UNC80: variants seen among roughly 807,000 people sequenced by gnomAD.
The protein encoded by UNC80 is unc-80 subunit of NALCN channel complex, also known as protein unc-80 homolog.
In UNC80, 164 loss-of-function variants were observed where a neutral mutation model predicts 384.6. The ratio of observed to expected loss-of-function variants is 0.43; its 90% confidence interval spans 0.38 to 0.49. UNC80 has a LOEUF of 0.49. UNC80 is among the 20% of genes least tolerant of loss of function. UNC80 has a pLI of 0.00. For missense variants in UNC80, 3,330 were observed against 4,143.0 expected, an observed-to-expected ratio of 0.80 and a Z score of 5.39; for synonymous variants, 1,486 against 1,527.8, an observed-to-expected ratio of 0.97 and a Z score of 0.64.
At chr2:209,786,319 C>A in intron 5 of UNC80, 130 bp downstream of exon 5, 1 of 1,208,618 alleles carries the variant, frequency 8.3e-7, no homozygotes, top group South Asian at 1.8e-5. Flanking sequence ...ATTTAAGTGT[C>A]CTGATATAGG....
At chr2:209,921,864 A>G (rs992645519) in intron 34 of UNC80, among the ~76,000 whole-genome samples, 178 bp downstream of exon 34, 3 of 152,212 alleles carry the variant, frequency 2.0e-5, no homozygotes, top group African/African-American at 7.2e-5. Context: ...AGAGTTAGCC[A>G]TTTTCAGAGG....
Position 209,924,635 on chromosome 2 carries a change from C to T in UNC80, c.5663-2208C>T, listed in dbSNP as rs1283682893. Among the ~76,000 whole-genome samples the T allele has an allele frequency of 2.0e-5, 3 of 152,176 alleles. No homozygotes were observed. In the South Asian group the frequency reaches 6.2e-4, roughly 32 times the overall value. Reference sequence around the variant, plus strand: ...TACATATGTACAGCCATCTAGATAACCAGGAATATGTCAGTGATTTGCAAG... The same window carrying T: ...TACATATGTACAGCCATCTAGATAATCAGGAATATGTCAGTGATTTGCAAG... On this transcript the variant is annotated intron_variant, in intron 35 of 64. Coordinates refer to ENST00000673920, the MANE Select transcript of UNC80 (RefSeq NM_001371986.1).
At chr2:209,822,704 T>C (rs1257038320) in intron 13 of UNC80, among the ~76,000 whole-genome samples, 3 of 152,154 alleles carry the variant, frequency 2.0e-5, no homozygotes, top group African/African-American at 7.2e-5. Context: ...TTTTCCTTTT[T>C]TAGCTTTGAA....
At chr2:209,922,792 AGTTTTTGTTTTTGTTTTT>A (rs374515160) in intron 35 of UNC80, among the ~76,000 whole-genome samples, 141 of 151,858 alleles carry the variant, frequency 9.3e-4, no homozygotes, top group African/African-American at 3.3e-3. Context: ...GTGTGTCACT[AGTTTTTGTTTTTGTTTTT>A]GTTTTTGTTT....
chr2:209,796,843 G>A (rs990794759), intron 7 of UNC80, among the ~76,000 whole-genome samples: 3 of 152,098 alleles, frequency 2.0e-5, no homozygotes, highest in African/African-American at 7.2e-5. Context: ...TTTATCAACA[G>A]CGTGAAAACG....
Position 209,973,069 on chromosome 2 carries a change from C to A in UNC80, c.8386C>A (p.Pro2796Thr), listed in dbSNP as rs1333730709. The change falls in exon 56 of 65, where the codon CCA (proline) becomes ACA (threonine). Residue 2796 changes from proline to threonine, a missense_variant. By Grantham distance (38) the Pro-to-Thr change is conservative. Coordinates refer to ENST00000673920, the MANE Select transcript of UNC80 (RefSeq NM_001371986.1). Reference protein sequence around the residue: ...LTVGSGSKDSPWLEQPEVQLL... With the variant: ...LTVGSGSKDSTWLEQPEVQLL... Reference sequence around the variant, plus strand: ...TTCCAAATTCTGCCCCTCAGATAGCCCATGGCTGGAGCAGCCTGAGGTGCA... The same window carrying A: ...TTCCAAATTCTGCCCCTCAGATAGCACATGGCTGGAGCAGCCTGAGGTGCA... The A allele has an allele frequency of 1.9e-6, 3 of 1,551,476 alleles. No individual in the cohort carries two copies. Among genetic ancestry groups the A allele is most frequent in the Non-Finnish European group, 2.6e-6 (3 of 1,146,974 alleles).
At chr2:209,806,603 G>A (rs2078916080) in intron 7 of UNC80, among the ~76,000 whole-genome samples, 1 of 152,170 alleles carries the variant, frequency 6.6e-6, no homozygotes, top group African/African-American at 2.4e-5. Flanking sequence ...ATGTTCATGT[G>A]TCTTTATTGG....
chr2:209,833,276 C>CAAAAAATAAAAAAAAA (rs2081117652), intron 16 of UNC80, among the ~76,000 whole-genome samples: 1 of 97,376 alleles, frequency 1.0e-5, no homozygotes, highest in African/African-American at 3.6e-5. Context: ...TTTCCTAAGG[C>CAAAAAATAAAAAAAAA]AAAAAAAAAA....
rs1442046725 is a variant in UNC80, at chr2:209,772,034, G to A, written c.-39G>A. The stretch of plus-strand genomic sequence containing the variant: ...GGCGGCGGCGGCTAGCGAGGAGACA[G>A]AGCTGGGTCCTGCAGTAGGACTCCC... On this transcript the variant is annotated 5_prime_UTR_variant, in exon 1 of 65. Coordinates refer to ENST00000673920, the MANE Select transcript of UNC80 (RefSeq NM_001371986.1). The A allele has an allele frequency of 6.8e-7, 1 of 1,466,012 alleles. No individual in the cohort carries two copies. The highest frequency in any genetic ancestry group is 2.0e-5 in the Admixed American group (1 of 50,798). 90.8% of individuals were successfully genotyped at this position (1,466,012 alleles called of 1,614,324 possible).
chr2:209,876,291 C>T (rs945457961), intron 23 of UNC80, among the ~76,000 whole-genome samples: 1 of 152,112 alleles, frequency 6.6e-6, no homozygotes, highest in African/African-American at 2.4e-5. Flanking sequence ...TATAATCTAC[C>T]AAGGCACATT....
At chr2:209,915,937 C>A (rs1224822183) in intron 31 of UNC80, among the ~76,000 whole-genome samples, 1 of 152,186 alleles carries the variant, frequency 6.6e-6, no homozygotes, top group Non-Finnish European at 1.5e-5. Flanking sequence ...ATTTTAAGTA[C>A]TCTGACTTGA....
In UNC80 at chr2:209,793,759, A is replaced by G. The variant is rs780420761; in HGVS notation, c.838A>G (p.Ile280Val). Residue 280 changes from isoleucine (I) to valine (V), a missense_variant, in exon 7 of 65, where the codon ATC becomes GTC. Ile to Val is a conservative substitution (Grantham distance 29). Around this residue, in one of 8 missense-constraint regions of UNC80, gnomAD observed 937 missense variants for 1,026.8 expected, o/e 0.91. Coordinates refer to ENST00000673920, the MANE Select transcript of UNC80 (RefSeq NM_001371986.1). ...VVCETFQSDS[I>V]SPKATISGCH... Reference sequence around the variant, plus strand: ...TTGTGAAACATTCCAGTCTGATTCCATCTCACCCAAGGCCACCATTTCAGG... The same window carrying G: ...TTGTGAAACATTCCAGTCTGATTCCGTCTCACCCAAGGCCACCATTTCAGG... 3 of 1,614,132 alleles carry G rather than the reference A, an allele frequency of 1.9e-6. 1 individual carries two copies. Among genetic ancestry groups the G allele is most frequent in the Middle Eastern group, 1.6e-4 (1 of 6,062 alleles).
intron 28 of UNC80, among the ~76,000 whole-genome samples, chr2:209,899,607 C>T (rs567044977): frequency 5.3e-4 from 80 of 152,306 alleles, no homozygotes; most frequent in African/African-American, 1.9e-3. Context: ...AGGGACTATA[C>T]TAGCTGGACT....
intron 28 of UNC80, among the ~76,000 whole-genome samples, chr2:209,902,428 G>A (rs1325794339): frequency 6.6e-6 from 1 of 152,328 alleles, no homozygotes; most frequent in Non-Finnish European, 1.5e-5. Flanking sequence ...GTTGTTGAGG[G>A]TTGATCGCAA....
rs1420496137 is a variant in UNC80 at position 209,831,594 on chromosome 2, G to A, written c.2775+3G>A. Reference sequence around the variant, plus strand: ...AATTGCACAGCCCTGAGAATCTGGTGAGAAGCTCTCCTCTCTTCCCACAGG... The same window carrying A: ...AATTGCACAGCCCTGAGAATCTGGTAAGAAGCTCTCCTCTCTTCCCACAGG... On this transcript the variant is annotated splice_donor_region_variant and intron_variant, in intron 16 of 64. Coordinates refer to ENST00000673920, the MANE Select transcript of UNC80 (RefSeq NM_001371986.1). 11 of 1,535,654 alleles carry A rather than the reference G, an allele frequency of 7.2e-6. No homozygotes were observed. The highest frequency in any genetic ancestry group is 9.7e-6 in the Non-Finnish European group (11 of 1,139,732).
chr2:209,784,396 G>A (rs773336206), intron 4 of UNC80, among the ~76,000 whole-genome samples: 3 of 152,008 alleles, frequency 2.0e-5, no homozygotes, highest in Non-Finnish European at 4.4e-5. Flanking sequence ...TCCTTATCAA[G>A]ACCTATCAGG....
At chr2:209,773,202 AAGAC>A in intron 2 of UNC80, 60 bp downstream of exon 2, 1 of 1,442,674 alleles carries the variant, frequency 6.9e-7, no homozygotes, top group South Asian at 1.2e-5. Context: ...TTTGAACCCA[AAGAC>A]AGATTTTAAA....
intron 7 of UNC80, among the ~76,000 whole-genome samples, chr2:209,803,392 G>A (rs529441386): frequency 6.6e-6 from 1 of 152,262 alleles, no homozygotes; most frequent in Admixed American, 6.5e-5. Context: ...TGACAACAAA[G>A]TTATCAATGA....
chr2:209,959,564 G>A lies in UNC80; in HGVS notation c.7662G>A (p.Glu2554=), dbSNP rs1012401970. 1.3e-6 allele frequency: 2 copies of A among 1,551,614 alleles called. No homozygotes were observed. Among genetic ancestry groups the A allele is most frequent in the African/African-American group, 2.7e-5 (2 of 73,056 alleles). ...TGGATGAACGAATTGCTCGGGAAGA[G>A]TTCAGAAGACCCCGGGAGTCCTTAC... ...EELDERIARE[E]FRRPRESLLN... The change falls in exon 51 of 65, where the codon GAG becomes GAA. Residue 2554 remains glutamate, a synonymous_variant. Transcript: ENST00000673920.
Sources: gnomAD v4.1 joint callset for allele counts (sites outside exome capture counted in the v4.1 genomes callset) on GRCh38, gnomAD v4.1.1 for gene constraint, gnomAD v4.1.1 regional missense constraint, MANE v1.5 for transcripts, NCBI Gene and HGNC (gene_info 2026-07-23, HGNC 2026-07-21) for gene names.